Variants in AFF3 observed in about 807,000 individuals in gnomAD.
AFF3 encodes the protein ALF transcription elongation factor 3, also known as AF4/FMR2 family member 3.
In AFF3, 32 loss-of-function variants were observed where a neutral mutation model predicts 129.7. The ratio of observed to expected loss-of-function variants is 0.25; its 90% CI spans 0.19 to 0.33. The LOEUF is 0.33. Among genes scored for constraint, AFF3 ranks in the 10% least tolerant of loss-of-function variants. AFF3 has a pLI of 1.00. For synonymous variants in AFF3, 644 were observed against 635.4 expected, an observed-to-expected ratio of 1.01 and a Z score of -0.20; for missense variants, 1,373 against 1,592.0, an observed-to-expected ratio of 0.86 and a Z score of 2.34.
chr2:100,079,438 A>C (rs1426018933), intron 4 of AFF3, among the ~76,000 whole-genome samples: 1 of 152,224 alleles, frequency 6.6e-6, no homozygotes, highest in African/African-American at 2.4e-5. Flanking sequence ...AAGATTCTCA[A>C]CTAGGTTACA....
At chr2:99,784,603 A>G (rs1684654286) in intron 8 of AFF3, among the ~76,000 whole-genome samples, 1 of 152,232 alleles carries the variant, frequency 6.6e-6, no homozygotes, top group Non-Finnish European at 1.5e-5. Flanking sequence ...AGCTTTGCGC[A>G]GTATTAAGAC....
At chr2:99,987,001 C>A (rs768566170) in intron 7 of AFF3, among the ~76,000 whole-genome samples, 1 of 152,098 alleles carries the variant, frequency 6.6e-6, no homozygotes, top group Non-Finnish European at 1.5e-5. Context: ...CTTTGGTGAA[C>A]GAAAAGGCCG....
At chr2:100,017,047 G>A (rs538893623) in intron 4 of AFF3, among the ~76,000 whole-genome samples, 4 of 151,782 alleles carry the variant, frequency 2.6e-5, no homozygotes, top group East Asian at 1.9e-4. Context: ...TGATGATGAC[G>A]ATGCTGGTGG....
intron 13 of AFF3, 126 bp from the exon 14 acceptor site, chr2:99,601,747 C>A (rs894566385): frequency 8.7e-6 from 10 of 1,149,030 alleles, no homozygotes; most frequent in African/African-American, 1.5e-5. Context: ...ATCTGTCAAC[C>A]ATGACCTGGA....
chr2:99,974,140 G>A (rs536787054), intron 7 of AFF3, among the ~76,000 whole-genome samples: 3 of 152,266 alleles, frequency 2.0e-5, no homozygotes, highest in South Asian at 2.1e-4. Context: ...AAATGTAGAC[G>A]TCTTTTCTAA....
At chr2:99,697,396 C>T (rs183173536) in intron 11 of AFF3, among the ~76,000 whole-genome samples, 1 of 152,176 alleles carries the variant, frequency 6.6e-6, no homozygotes, top group Non-Finnish European at 1.5e-5. Context: ...AGATATCTTA[C>T]TTTGAAAAGG....
intron 8 of AFF3, among the ~76,000 whole-genome samples, chr2:99,763,481 T>C (rs1575906490): frequency 6.6e-6 from 1 of 152,270 alleles, no homozygotes; most frequent in Non-Finnish European, 1.5e-5. Flanking sequence ...CTAGGAATTC[T>C]AGGTTTCCGT....
chr2:99,857,741 T>C (rs1276760309), intron 7 of AFF3, among the ~76,000 whole-genome samples: 2 of 152,206 alleles, frequency 1.3e-5, no homozygotes, highest in Non-Finnish European at 1.5e-5. Flanking sequence ...CATTCTCTTT[T>C]ATATTCTTCC....
chr2:99,875,623 C>T (rs1450367083), intron 7 of AFF3, among the ~76,000 whole-genome samples: 1 of 152,140 alleles, frequency 6.6e-6, no homozygotes, highest in Admixed American at 6.5e-5. Flanking sequence ...TCAAGCTCTT[C>T]CTCCACCAGG....
chr2:99,904,051 C>T (rs1694538885), intron 7 of AFF3, among the ~76,000 whole-genome samples: 1 of 152,038 alleles, frequency 6.6e-6, no homozygotes, highest in Non-Finnish European at 1.5e-5. Flanking sequence ...CTCTTTTCTT[C>T]CTCACTTGTT....
intron 11 of AFF3, among the ~76,000 whole-genome samples, chr2:99,718,812 A>G (rs6748557): frequency 0.86 from 129,614 of 151,344 alleles, 55,652 homozygotes; most frequent in East Asian, 0.92. Flanking sequence ...CTGCAGTGGC[A>G]CGATCTCAGC....
At chr2:99,581,495 T>C (rs1677540304) in intron 17 of AFF3, among the ~76,000 whole-genome samples, 1 of 152,010 alleles carries the variant, frequency 6.6e-6, no homozygotes, top group African/African-American at 2.4e-5. Context: ...CCCTCATCTT[T>C]CTCATCTTTC....
chr2:99,814,407 A>G (rs1357816556), intron 8 of AFF3, among the ~76,000 whole-genome samples: 1 of 152,160 alleles, frequency 6.6e-6, no homozygotes, highest in Non-Finnish European at 1.5e-5. Flanking sequence ...CAGAGAGACA[A>G]AATATACTAC....
chr2:99,639,969 C>T (rs530312302), intron 13 of AFF3, among the ~76,000 whole-genome samples: 9 of 152,162 alleles, frequency 5.9e-5, no homozygotes, highest in African/African-American at 2.2e-4. Flanking sequence ...AGGCGTTAGC[C>T]ACTGCACCCG....
At chr2:99,564,163 G>A (rs1675759400) in intron 20 of AFF3, among the ~76,000 whole-genome samples, 1 of 152,166 alleles carries the variant, frequency 6.6e-6, no homozygotes, top group Admixed American at 6.5e-5. Context: ...CATACTATGT[G>A]CCAGAAAATA....
intron 13 of AFF3, among the ~76,000 whole-genome samples, chr2:99,643,642 CTTCCTT>C (rs1233560591): frequency 1.3e-5 from 2 of 152,304 alleles, no homozygotes; most frequent in East Asian, 3.9e-4. Flanking sequence ...CTCCAACACA[CTTCCTT>C]TGTTTGGCTG....
At chr2:100,046,950 G>C (rs1685884259) in intron 4 of AFF3, among the ~76,000 whole-genome samples, 1 of 150,480 alleles carries the variant, frequency 6.6e-6, no homozygotes, top group African/African-American at 2.5e-5. Context: ...ACAAATCTAT[G>C]ACTCCTCTTA....
At chr2:99,736,201 C>T (rs1300874073) in intron 10 of AFF3, among the ~76,000 whole-genome samples, 7 of 152,104 alleles carry the variant, frequency 4.6e-5, no homozygotes, top group Admixed American at 3.9e-4. Context: ...ACAACAGTTA[C>T]GAATTTCTGT....
chr2:99,672,176 T>A (rs201290218), intron 12 of AFF3, among the ~76,000 whole-genome samples: 2,628 of 37,118 alleles, frequency 0.071, 67 homozygotes, highest in East Asian at 0.16. Flanking sequence ...CCAGTTAGCT[T>A]CTCACACACA....
Sources: gnomAD v4.1 joint callset for allele counts (sites outside exome capture counted in the v4.1 genomes callset) on GRCh38, gnomAD v4.1.1 for gene constraint, MANE v1.5 for transcripts, NCBI Gene and HGNC (gene_info 2026-07-23, HGNC 2026-07-21) for gene names.